Variants in SLC30A8 observed in about 807,000 individuals in gnomAD.
SLC30A8 encodes the protein solute carrier family 30 member 8.
Under a neutral mutation model 36.9 loss-of-function variants are expected in SLC30A8, and 27 were observed. The observed-to-expected ratio is 0.73, with a 90% confidence interval of 0.54 to 1.01. The LOEUF is 1.01. Among genes scored for constraint, SLC30A8 ranks in the 50% least tolerant of loss-of-function variants. The probability of loss-of-function intolerance (pLI) is 0.00; values close to 1 mark genes in which losing one functional copy is unlikely to be tolerated. For synonymous variants in SLC30A8, 164 were observed against 172.4 expected, an observed-to-expected ratio of 0.95 and a Z score of 0.38; for missense variants, 439 against 452.0, an observed-to-expected ratio of 0.97 and a Z score of 0.26.
intron 1 of SLC30A8, among the ~76,000 whole-genome samples, chr8:117,011,422 C>T (rs776639134): frequency 6.6e-6 from 1 of 152,148 alleles, no homozygotes; most frequent in African/African-American, 2.4e-5. Context: ...CCAAATAGCT[C>T]GTTTGTGAAA....
chr8:116,981,074 C>G (rs1815236039), intron 1 of SLC30A8, among the ~76,000 whole-genome samples: 1 of 152,182 alleles, frequency 6.6e-6, no homozygotes, highest in Non-Finnish European at 1.5e-5. Context: ...TTAGTGATGT[C>G]TTGGCCATCG....
chr8:117,106,790 A>C (rs1820013808), intron 2 of SLC30A8, among the ~76,000 whole-genome samples: 1 of 152,204 alleles, frequency 6.6e-6, no homozygotes, highest in South Asian at 2.1e-4. Flanking sequence ...GAATGATTGC[A>C]TCTTCCCTGC....
At chr8:116,994,120 AAAG>A (rs1815737851) in intron 1 of SLC30A8, among the ~76,000 whole-genome samples, 3 of 152,054 alleles carry the variant, frequency 2.0e-5, no homozygotes, top group Admixed American at 1.3e-4. Flanking sequence ...CCAAAATTTT[AAAG>A]AAGAAATAAA....
chr8:117,073,411 G>T (rs1818392022), intron 2 of SLC30A8, among the ~76,000 whole-genome samples: 1 of 151,952 alleles, frequency 6.6e-6, no homozygotes, highest in African/African-American at 2.4e-5. Flanking sequence ...GTGCCATCAT[G>T]CCCAGCTAAC....
intron 1 of SLC30A8, among the ~76,000 whole-genome samples, chr8:116,973,982 C>A (rs1316833657): frequency 6.6e-6 from 1 of 152,098 alleles, no homozygotes; most frequent in African/African-American, 2.4e-5. Context: ...AACTGGCTAG[C>A]CATATGTAGA....
intron 6 of SLC30A8, chr8:117,164,089 G>GTA (rs772649038): frequency 2.6e-5 from 4 of 152,374 alleles, no homozygotes; most frequent in Non-Finnish European, 5.9e-5. Flanking sequence ...GTCAACATCA[G>GTA]TACGGCCTCC....
chr8:117,052,656 T>TGTGGTTCAGCTG (rs1817746376), intron 2 of SLC30A8, among the ~76,000 whole-genome samples: 1 of 152,208 alleles, frequency 6.6e-6, no homozygotes. Flanking sequence ...ATTATAGAGT[T>TGTGGTTCAGCTG]GTGGTTCAGC....
chr8:117,151,528 G>T (rs1344445043), intron 2 of SLC30A8, among the ~76,000 whole-genome samples: 1 of 152,194 alleles, frequency 6.6e-6, no homozygotes, highest in South Asian at 2.1e-4. Context: ...TTGCAAAATG[G>T]TTCTCAGTTT....
chr8:117,140,104 T>A (rs1169788475), intron 1 of SLC30A8, among the ~76,000 whole-genome samples: 1 of 151,974 alleles, frequency 6.6e-6, no homozygotes, highest in African/African-American at 2.4e-5. Flanking sequence ...AAATTAAAAA[T>A]TCACTAGAGG....
intron 3 of SLC30A8, among the ~76,000 whole-genome samples, chr8:117,157,064 T>C (rs1358321652): frequency 6.6e-6 from 1 of 152,208 alleles, no homozygotes; most frequent in Non-Finnish European, 1.5e-5. Context: ...TTGAACACCA[T>C]TTTATCTTTA....
At chr8:117,044,151 G>A (rs1344095753) in intron 2 of SLC30A8, among the ~76,000 whole-genome samples, 1 of 152,134 alleles carries the variant, frequency 6.6e-6, no homozygotes, top group Non-Finnish European at 1.5e-5. Flanking sequence ...AGGAGGTAGT[G>A]GTCTTACCCA....
intron 1 of SLC30A8, among the ~76,000 whole-genome samples, chr8:116,986,567 T>C (rs1315905757): frequency 6.6e-6 from 1 of 152,192 alleles, no homozygotes; most frequent in Non-Finnish European, 1.5e-5. Context: ...TGGGAATCAA[T>C]CATCAAGTCA....
At chr8:117,032,624 T>C (rs1817088646) in intron 1 of SLC30A8, among the ~76,000 whole-genome samples, 1 of 152,226 alleles carries the variant, frequency 6.6e-6, no homozygotes, top group East Asian at 1.9e-4. Flanking sequence ...GTGCAGTGGC[T>C]GATGCCTGTA....
intron 1 of SLC30A8, among the ~76,000 whole-genome samples, chr8:116,990,184 T>G (rs773506490): frequency 1.4e-4 from 21 of 152,202 alleles, no homozygotes; most frequent in Non-Finnish European, 2.2e-4. Flanking sequence ...AAAAGAAATT[T>G]GGATTTTTTT....
intron 7 of SLC30A8, 91 bp from the exon 8 acceptor site, chr8:117,172,445 G>T: frequency 6.4e-7 from 1 of 1,569,998 alleles, no homozygotes; most frequent in Non-Finnish European, 8.7e-7. Flanking sequence ...CACCCCAGCA[G>T]GTCAAAGACA....
intron 2 of SLC30A8, among the ~76,000 whole-genome samples, chr8:117,129,139 T>C (rs764136717): frequency 3.3e-5 from 5 of 151,988 alleles, no homozygotes; most frequent in Non-Finnish European, 7.4e-5. Flanking sequence ...TTTCAGTTAG[T>C]AGCTAATGAC....
intron 3 of SLC30A8, among the ~76,000 whole-genome samples, chr8:117,157,107 T>G (rs1487106439): frequency 1.3e-5 from 2 of 152,242 alleles, no homozygotes; most frequent in Non-Finnish European, 2.9e-5. Context: ...TTCTGATGCT[T>G]CTTTTTCGTA....
At chr8:116,987,050 A>G (rs561838677) in intron 1 of SLC30A8, among the ~76,000 whole-genome samples, 4 of 152,078 alleles carry the variant, frequency 2.6e-5, no homozygotes, top group Non-Finnish European at 4.4e-5. Flanking sequence ...CGCACTGACA[A>G]TGGCACATTG....
chr8:117,043,486 G>GA (rs1350052634), intron 2 of SLC30A8, among the ~76,000 whole-genome samples: 1 of 152,152 alleles, frequency 6.6e-6, no homozygotes, highest in Non-Finnish European at 1.5e-5. Flanking sequence ...CATGTATTTG[G>GA]AAAAATGAGA....
Sources: allele counts gnomAD v4.1 joint callset (sites outside exome capture counted in the v4.1 genomes callset), GRCh38; gene constraint gnomAD v4.1.1; transcripts MANE v1.5; gene names NCBI Gene and HGNC (gene_info 2026-07-23, HGNC 2026-07-21).